The following HS6ST2 variants were observed in gnomAD, a reference collection of about 807,000 sequenced individuals.
HS6ST2 encodes the protein heparan sulfate 6-O-sulfotransferase 2.
Under a neutral mutation model 33.0 loss-of-function variants are expected in HS6ST2, and 17 were observed. The observed-to-expected ratio is 0.52, with a 90% CI of 0.35 to 0.77. The LOEUF (loss-of-function observed/expected upper bound fraction) is 0.77. Among genes scored for constraint, HS6ST2 ranks in the 30% least tolerant of loss-of-function variants. The pLI, the probability that HS6ST2 is intolerant of heterozygous loss-of-function variation, is 0.01. For missense variants in HS6ST2, 519 were observed against 551.7 expected, an observed-to-expected ratio of 0.94 and a Z score of 0.59; for synonymous variants, 248 against 237.1, an observed-to-expected ratio of 1.05 and a Z score of -0.42.
intron 2 of HS6ST2, among the ~76,000 whole-genome samples, chrX:132,894,529 T>TGTTATGTTATG (rs1029056457): frequency 5.6e-5 from 6 of 107,054 alleles, no homozygotes; most frequent in African/African-American, 2.1e-4. Flanking sequence ...TGTTATGTTA[T>TGTTATGTTATG]TTATTTTGAT....
rs945764325 is a variant in HS6ST2, at chrX:132,780,072, G to A, written c.948-71578C>T. Among the ~76,000 whole-genome samples, 42 of 110,896 alleles carry A rather than the reference G, an allele frequency of 3.8e-4. 1 individual carries two copies. The highest frequency in any genetic ancestry group is 1.4e-3 in the African/African-American group (42 of 30,012). ...TACGGGGGAGGCATCAGAAACCACC[G>A]TGCACATGCAAGATCAGCTACATGG... On this transcript the variant is annotated intron_variant, in intron 2 of 4. Transcript: ENST00000370833.
intron 2 of HS6ST2, among the ~76,000 whole-genome samples, chrX:132,735,689 C>A (rs2064501092): frequency 9.0e-6 from 1 of 111,652 alleles, no homozygotes; most frequent in Non-Finnish European, 1.9e-5. Flanking sequence ...TATAGCTGGG[C>A]TTTGGCCCGA....
At chrX:132,639,272 T>C (rs758309830) in intron 4 of HS6ST2, among the ~76,000 whole-genome samples, 1 of 112,049 alleles carries the variant, frequency 8.9e-6, no homozygotes, top group African/African-American at 3.2e-5. Flanking sequence ...GCTGAGTTCT[T>C]TAACAAGATG....
intron 2 of HS6ST2, among the ~76,000 whole-genome samples, chrX:132,941,269 TCTAA>T (rs1488022298): frequency 3.6e-5 from 4 of 111,612 alleles, no homozygotes; most frequent in African/African-American, 1.3e-4. Context: ...CACAAGATGC[TCTAA>T]CTGAGATGAG....
chrX:132,956,692 G>T, intron 2 of HS6ST2, 116 bp downstream of exon 2: 1 of 897,308 alleles, frequency 1.1e-6, no homozygotes, highest in Non-Finnish European at 1.5e-6. Context: ...GCCCAGCCGG[G>T]GTGCAAACGC....
At chrX:132,859,407 A>G (rs1456810322) in intron 2 of HS6ST2, among the ~76,000 whole-genome samples, 1 of 111,193 alleles carries the variant, frequency 9.0e-6, no homozygotes, top group Non-Finnish European at 1.9e-5. Context: ...AAGGTGAGGA[A>G]AAGCAGAAGT....
rs768618750 is a variant in HS6ST2 at position 132,881,765 on chromosome X, A to G, written c.947+75043T>C. Among the ~76,000 whole-genome samples, 249 of 111,735 alleles carry G rather than the reference A, an allele frequency of 2.2e-3. 4 individuals carry two copies. In the East Asian group the frequency reaches 0.028, roughly 13 times the overall value. ...GGGTTTTTATGGTTTTAGGTCTAAC[A>G]TGTATGTCTTTAATCCATCTTGAAT... is the stretch of plus-strand genomic sequence containing the variant. On this transcript the variant is annotated intron_variant, in intron 2 of 4. Coordinates refer to ENST00000370833, the MANE Select transcript of HS6ST2 (RefSeq NM_001394073.1).
intron 2 of HS6ST2, among the ~76,000 whole-genome samples, chrX:132,830,635 C>T (rs746326808): frequency 6.2e-5 from 7 of 112,423 alleles, no homozygotes; most frequent in African/African-American, 1.9e-4. Flanking sequence ...GAGATTTTCT[C>T]CTTTCTACCT....
chrX:132,825,333 T>C (rs2065506985), intron 2 of HS6ST2, among the ~76,000 whole-genome samples: 1 of 111,744 alleles, frequency 8.9e-6, no homozygotes, highest in African/African-American at 3.2e-5. Flanking sequence ...AGGGGCATCA[T>C]GCTAAAAGGC....
In HS6ST2 at chrX:132,805,405, C is replaced by T. The variant is rs1216130675; in HGVS notation, c.948-96911G>A. On this transcript the variant is annotated intron_variant, in intron 2 of 4. Coordinates refer to ENST00000370833, the MANE Select transcript of HS6ST2 (RefSeq NM_001394073.1). The stretch of plus-strand genomic sequence containing the variant: ...GAGAGATTTTCTCAACAAGATCTGG[C>T]CCAACAGCTCCTCTACAGCCTCCCT... Among the ~76,000 whole-genome samples, 4 of 110,130 alleles carry T rather than the reference C, an allele frequency of 3.6e-5. No individual in the cohort carries two copies. The Admixed American group carries it at 3.8e-4, about 11-fold the overall frequency.
At chrX:132,908,646 C>T (rs2066499014) in intron 2 of HS6ST2, among the ~76,000 whole-genome samples, 1 of 111,617 alleles carries the variant, frequency 9.0e-6, no homozygotes, top group African/African-American at 3.3e-5. Flanking sequence ...TGCATTTGTC[C>T]ATTTATGTGA....
intron 2 of HS6ST2, among the ~76,000 whole-genome samples, chrX:132,758,690 T>C (rs1451306183): frequency 1.8e-5 from 2 of 111,862 alleles, no homozygotes; most frequent in Non-Finnish European, 3.8e-5. Context: ...AACAAAAGCC[T>C]TCTCAGGCAG....
intron 2 of HS6ST2, among the ~76,000 whole-genome samples, chrX:132,801,835 T>C (rs1165036889): frequency 8.9e-6 from 1 of 112,379 alleles, no homozygotes; most frequent in Non-Finnish European, 1.9e-5. Flanking sequence ...CAAGTAAGGA[T>C]TCCTACTATT....
intron 4 of HS6ST2, among the ~76,000 whole-genome samples, chrX:132,639,339 T>C (rs888531976): frequency 1.8e-5 from 2 of 112,130 alleles, no homozygotes; most frequent in Non-Finnish European, 3.8e-5. Context: ...ATCCATCCAA[T>C]TGCTTGACAT....
chrX:132,758,702 C>T (rs2064779698), intron 2 of HS6ST2, among the ~76,000 whole-genome samples: 1 of 112,008 alleles, frequency 8.9e-6, no homozygotes, highest in Non-Finnish European at 1.9e-5. Context: ...CTCAGGCAGG[C>T]CCACAGCTCC....
intron 2 of HS6ST2, among the ~76,000 whole-genome samples, chrX:132,956,316 G>A (rs1363740429): frequency 9.3e-6 from 1 of 107,243 alleles, no homozygotes; most frequent in African/African-American, 3.4e-5. Flanking sequence ...GAGAGAAAGA[G>A]GGAGAACAAG....
At chrX:132,712,764 G>C (rs778710459) in intron 2 of HS6ST2, among the ~76,000 whole-genome samples, 4 of 111,801 alleles carry the variant, frequency 3.6e-5, no homozygotes, top group Admixed American at 2.8e-4. Context: ...GGTAGCTCAC[G>C]CCTGTAATCC....
chrX:132,649,537 A>C (rs1465281999), intron 4 of HS6ST2, among the ~76,000 whole-genome samples: 3 of 112,286 alleles, frequency 2.7e-5, no homozygotes, highest in Non-Finnish European at 5.6e-5. Context: ...CATGCTAAGC[A>C]TTCTACATGG....
At chrX:132,794,415 A>G (rs1022120810) in intron 2 of HS6ST2, among the ~76,000 whole-genome samples, 3 of 110,691 alleles carry the variant, frequency 2.7e-5, no homozygotes, top group Non-Finnish European at 3.8e-5. Context: ...TATTTTTGAA[A>G]TAGGGTCTTA....
Sources: allele counts gnomAD v4.1 joint callset (sites outside exome capture counted in the v4.1 genomes callset), GRCh38; gene constraint gnomAD v4.1.1; transcripts MANE v1.5; gene names NCBI Gene and HGNC (gene_info 2026-07-23, HGNC 2026-07-21).